Variants in PTPRE observed in about 807,000 individuals in gnomAD.
PTPRE encodes the protein protein tyrosine phosphatase receptor type E.
A neutral mutation model predicts 102.0 loss-of-function variants in PTPRE; 51 were observed. The observed-to-expected ratio is 0.50, with a 90% CI of 0.40 to 0.63. PTPRE has a LOEUF of 0.63. Ranked by LOEUF, PTPRE falls within the 30% of genes least tolerant of loss-of-function variation. PTPRE has a pLI of 0.00. For synonymous variants in PTPRE, 345 were observed against 348.2 expected (o/e 0.99, Z 0.10); for missense variants, 752 against 915.1 (o/e 0.82, Z 2.30).
At chr10:128,074,735 C>A (rs1445952707) in intron 17 of PTPRE, among the ~76,000 whole-genome samples, 2 of 152,034 alleles carry the variant, frequency 1.3e-5, no homozygotes, top group Non-Finnish European at 2.9e-5. Context: ...TTTCACTTCC[C>A]TTGGGTATAC....
In PTPRE at chr10:128,076,617, G is replaced by A; in HGVS notation, c.1614G>A (p.Gln538=). Reference sequence around the variant, plus strand: ...TATCCCCTAAGGATAAATGCTACCAGTATTGGCCAACCGAGGGCTCAGTTA... The same window carrying A: ...TATCCCCTAAGGATAAATGCTACCAATATTGGCCAACCGAGGGCTCAGTTA... ...VQEREQDKCY[Q]YWPTEGSVTH... Residue 538 remains glutamine, a synonymous_variant, in exon 18 of 21, where the codon CAG becomes CAA. Coordinates refer to ENST00000254667, the MANE Select transcript of PTPRE (RefSeq NM_006504.6). 1.2e-6 allele frequency: 2 copies of A among 1,605,100 alleles called. No homozygotes were observed. The highest frequency in any genetic ancestry group is 1.7e-6 in the Non-Finnish European group (2 of 1,177,916).
rs774423438 is a variant in PTPRE, at chr10:128,085,126, C to G, written c.*2220C>G. 2 of 456,008 alleles carry G rather than the reference C, an allele frequency of 4.4e-6. No homozygotes were observed. The highest frequency in any genetic ancestry group is 4.0e-5 in the African/African-American group (2 of 50,060). 28.2% of individuals were successfully genotyped at this position (456,008 alleles called of 1,614,324 possible). ...ACGCAAGACTCTCCCCTCCACTGTC[C>G]GGGACAGCGTTCGCCCTTTAGCGGG... On this transcript the variant is annotated 3_prime_UTR_variant, in exon 21 of 21. Coordinates refer to ENST00000254667, the MANE Select transcript of PTPRE (RefSeq NM_006504.6).
intron 10 of PTPRE, among the ~76,000 whole-genome samples, chr10:128,064,639 T>G (rs1026940361): frequency 6.6e-6 from 1 of 152,208 alleles, no homozygotes; most frequent in African/African-American, 2.4e-5. Flanking sequence ...CACTTCCCTC[T>G]TTCAGTCATT....
chr10:127,996,894 G>A, intron 2 of PTPRE, among the ~76,000 whole-genome samples: 1 of 152,114 alleles, frequency 6.6e-6, no homozygotes, highest in East Asian at 1.9e-4. Context: ...TTCCTATGTG[G>A]AAAGAGTTTT....
rs1368366427 is a variant in PTPRE, at chr10:128,008,922, CAG to C, written c.-8+26633_-8+26634del. 1.4e-4 allele frequency among the ~76,000 whole-genome samples: 22 copies of C among 152,182 alleles called. No individual in the cohort carries two copies. The highest frequency in any genetic ancestry group is 5.3e-4 in the African/African-American group (22 of 41,436). ...CTAAGTCCCAGAAGTGACAGAGAGA[CAG>C]AGAGAGGAGTCTCTGGTCTGGCTGG... On this transcript the variant is annotated intron_variant, in intron 2 of 20. Coordinates refer to ENST00000254667, the MANE Select transcript of PTPRE (RefSeq NM_006504.6). This position sits in a 1 kb window ranked among gnomAD's most constrained non-coding sequence, Gnocchi z 4.0.
intron 2 of PTPRE, among the ~76,000 whole-genome samples, chr10:128,027,270 G>C (rs7900911): frequency 0.48 from 73,267 of 152,126 alleles, 17,905 homozygotes; most frequent in East Asian, 0.58. Context: ...GCTTCCTGCA[G>C]TGAGAGGCCT....
At chr10:127,976,997 A>T in intron 1 of PTPRE, among the ~76,000 whole-genome samples, 1 of 152,188 alleles carries the variant, frequency 6.6e-6, no homozygotes, top group South Asian at 2.1e-4. Flanking sequence ...ACTACACTTA[A>T]TTAAAGTGAT....
Position 128,073,509 on chromosome 10 carries a change from C to A in PTPRE, c.1599+38C>A, listed in dbSNP as rs1406732454. The A allele has an allele frequency of 4.4e-6, 7 of 1,599,708 alleles. No individual in the cohort carries two copies. In the East Asian group the frequency reaches 1.1e-4, roughly 26 times the overall value. On this transcript the variant is annotated intron_variant, in intron 17 of 20. Coordinates refer to ENST00000254667, the MANE Select transcript of PTPRE (RefSeq NM_006504.6). ...GCCCAGCCCGGTCCCTCCAGGGCAG[C>A]CTGTGCACCTGAGGCACTGTCCCCG...
chr10:127,924,432 G>A (rs1846859268), intron 1 of PTPRE, among the ~76,000 whole-genome samples: 1 of 152,176 alleles, frequency 6.6e-6, no homozygotes, highest in African/African-American at 2.4e-5. Context: ...TGCCATGTTG[G>A]CCAGGCTGAT....
intron 1 of PTPRE, among the ~76,000 whole-genome samples, chr10:127,979,374 C>T (rs187203311): frequency 6.6e-4 from 100 of 152,308 alleles, no homozygotes; most frequent in Non-Finnish European, 1.8e-4. Context: ...GCAGTGTTGG[C>T]CTAATGGAAG....
rs1421255500 is a variant in PTPRE at position 128,063,788 on chromosome 10, G to A, written c.723+608G>A. On this transcript the variant is annotated intron_variant, in intron 10 of 20. Transcript: ENST00000254667. ...AGCTCTGTCCCAGGTGCAAGGAGTA[G>A]GGGCTCAAATTCAGGGCTGAGAAGT... Among the ~76,000 whole-genome samples, 7 of 152,330 alleles carry A rather than the reference G, an allele frequency of 4.6e-5. No individual in the cohort carries two copies. The East Asian group carries it at 5.8e-4, about 13-fold the overall frequency.
intron 2 of PTPRE, among the ~76,000 whole-genome samples, chr10:128,025,386 GA>G (rs1344345876): frequency 6.6e-6 from 1 of 152,140 alleles, no homozygotes; most frequent in African/African-American, 2.4e-5. Flanking sequence ...TTCACTCAAG[GA>G]AACCCCATCT....
intron 2 of PTPRE, among the ~76,000 whole-genome samples, chr10:128,016,642 T>C (rs922935731): frequency 3.3e-5 from 5 of 151,922 alleles, no homozygotes; most frequent in Non-Finnish European, 7.4e-5. Flanking sequence ...GGCCGAGATG[T>C]GTCGGTCCCT....
rs1162352945 is a variant in PTPRE, at chr10:127,907,495, A to G, written c.-31+186A>G. Among the ~76,000 whole-genome samples the G allele has an allele frequency of 6.6e-6, 1 of 150,788 alleles. No individual in the cohort carries two copies. The highest frequency in any genetic ancestry group is 1.5e-5 in the Non-Finnish European group (1 of 67,618). ...CCCAGTACCAGCGGCTGGGGCCCGT[A>G]CGACCCCCGACCCCGGCCTGTGGCG... On this transcript the variant is annotated intron_variant, in intron 1 of 20. Coordinates refer to ENST00000254667, the MANE Select transcript of PTPRE (RefSeq NM_006504.6). The surrounding 1 kb of genome is among the most constrained non-coding windows in gnomAD (Gnocchi z 4.8).
At chr10:128,016,193 C>T (rs535693091) in intron 2 of PTPRE, among the ~76,000 whole-genome samples, 190 of 152,250 alleles carry the variant, frequency 1.2e-3, no homozygotes, top group African/African-American at 4.1e-3. Context: ...CTCATCATAC[C>T]GTAGGCTTAA....
At chr10:128,068,390 G>A (rs1222749618) in intron 12 of PTPRE, 104 bp downstream of exon 12, 1 of 1,341,150 alleles carries the variant, frequency 7.5e-7, no homozygotes, top group East Asian at 2.4e-5. Flanking sequence ...GTGGGCAGAG[G>A]TTTGGGCAGG....
At chr10:127,922,759 G>A (rs1054398705) in intron 1 of PTPRE, among the ~76,000 whole-genome samples, 5 of 152,230 alleles carry the variant, frequency 3.3e-5, no homozygotes, top group Admixed American at 3.3e-4. Context: ...AGGTGGGTGG[G>A]CTGAGAGCCC....
chr10:127,943,443 T>A (rs1848393427), intron 1 of PTPRE, among the ~76,000 whole-genome samples: 1 of 152,164 alleles, frequency 6.6e-6, no homozygotes, highest in African/African-American at 2.4e-5. Context: ...CAGCTCTTTG[T>A]CTGTGCATGC....
chr10:128,069,666 C>T (rs759385234), intron 12 of PTPRE, 26 bp from the exon 13 acceptor site: 109 of 1,613,350 alleles, frequency 6.8e-5, no homozygotes, highest in East Asian at 6.7e-4. Context: ...TGACTCACGA[C>T]GCAGCATCTT....
Sources: allele counts gnomAD v4.1 joint callset (sites outside exome capture counted in the v4.1 genomes callset), GRCh38; gene constraint gnomAD v4.1.1; non-coding constraint Gnocchi (gnomAD v3.1); transcripts MANE v1.5; gene names NCBI Gene and HGNC (gene_info 2026-07-23, HGNC 2026-07-21).